DOK6: variants seen among roughly 807,000 people sequenced by gnomAD.
The protein encoded by DOK6 is downstream of tyrosine kinase 6.
DOK6 carries 22 observed loss-of-function variants against 44.0 expected under a neutral mutation model. That is an observed-to-expected ratio of 0.50 (90% CI 0.36 to 0.71). The LOEUF is 0.71. DOK6 is among the 30% of genes least tolerant of loss of function. DOK6 has a pLI of 0.00. For missense variants in DOK6, 340 were observed against 416.4 expected, an observed-to-expected ratio of 0.82 and a Z score of 1.60; for synonymous variants, 166 against 145.5, an observed-to-expected ratio of 1.14 and a Z score of -1.01.
intron 7 of DOK6, among the ~76,000 whole-genome samples, chr18:69,795,046 T>C (rs1224016501): frequency 1.3e-5 from 2 of 152,162 alleles, no homozygotes; most frequent in Non-Finnish European, 2.9e-5. Context: ...AAAATAAATG[T>C]AATGCACTGG....
intron 1 of DOK6, among the ~76,000 whole-genome samples, chr18:69,539,160 A>G (rs1982200239): frequency 6.6e-6 from 1 of 152,164 alleles, no homozygotes; most frequent in Non-Finnish European, 1.5e-5. Flanking sequence ...AAATACAAAC[A>G]TGATCATGAA....
intron 7 of DOK6, among the ~76,000 whole-genome samples, chr18:69,787,944 T>C (rs890691543): frequency 1.3e-5 from 2 of 152,150 alleles, no homozygotes; most frequent in African/African-American, 4.8e-5. Flanking sequence ...TTAGCTTACT[T>C]TTGAGGGTGT....
intron 7 of DOK6, among the ~76,000 whole-genome samples, chr18:69,808,634 A>C (rs887559770): frequency 4.0e-5 from 6 of 151,816 alleles, no homozygotes; most frequent in African/African-American, 1.4e-4. Context: ...CAGTAATGCA[A>C]AGGATCGTAA....
At chr18:69,722,758 C>T (rs1376292213) in intron 5 of DOK6, among the ~76,000 whole-genome samples, 3 of 152,186 alleles carry the variant, frequency 2.0e-5, no homozygotes, top group African/African-American at 7.2e-5. Flanking sequence ...AATTCAGTCA[C>T]ATTTATGTTA....
intron 7 of DOK6, among the ~76,000 whole-genome samples, chr18:69,837,721 GA>G (rs200909145): frequency 0.022 from 3,333 of 152,192 alleles, 130 homozygotes; most frequent in African/African-American, 0.075. Context: ...TCCCCATGCA[GA>G]AAAAAATGAG....
At chr18:69,509,412 C>T (rs112762808) in intron 1 of DOK6, among the ~76,000 whole-genome samples, 2,737 of 151,894 alleles carry the variant, frequency 0.018, 39 homozygotes, top group Non-Finnish European at 0.03. Context: ...CCAAGGCGGG[C>T]GGATCACGAG....
At chr18:69,808,469 A>C (rs1435658713) in intron 7 of DOK6, among the ~76,000 whole-genome samples, 2 of 151,862 alleles carry the variant, frequency 1.3e-5, no homozygotes, top group African/African-American at 2.4e-5. Flanking sequence ...CAAGAAAAAC[A>C]ATAGAAAAGA....
chr18:69,555,671 G>T (rs1240808212), intron 1 of DOK6, among the ~76,000 whole-genome samples: 2 of 152,092 alleles, frequency 1.3e-5, no homozygotes, highest in Admixed American at 6.5e-5. Context: ...TTCCCATCTT[G>T]TTACTCAATC....
chr18:69,785,363 C>A (rs1284773021), intron 7 of DOK6, among the ~76,000 whole-genome samples: 1 of 152,174 alleles, frequency 6.6e-6, no homozygotes, highest in Non-Finnish European at 1.5e-5. Flanking sequence ...TCTGTTCGTC[C>A]TGTTTTGCCC....
intron 5 of DOK6, 104 bp from the exon 6 acceptor site, chr18:69,738,861 G>T: frequency 1.4e-6 from 2 of 1,412,942 alleles, no homozygotes; most frequent in East Asian, 4.6e-5. Context: ...TCCTGTGGAG[G>T]TCAGGAGGAG....
At chr18:69,530,112 TAGAG>T (rs1981943241) in intron 1 of DOK6, among the ~76,000 whole-genome samples, 2 of 152,156 alleles carry the variant, frequency 1.3e-5, no homozygotes, top group Non-Finnish European at 2.9e-5. Flanking sequence ...ATTACCATCT[TAGAG>T]AGTACTAAAC....
At chr18:69,637,996 C>T (rs1208819330) in intron 3 of DOK6, among the ~76,000 whole-genome samples, 1 of 152,024 alleles carries the variant, frequency 6.6e-6, no homozygotes, top group Non-Finnish European at 1.5e-5. Context: ...AGTTGAGCGT[C>T]GTACTCTAGG....
intron 4 of DOK6, among the ~76,000 whole-genome samples, chr18:69,681,553 GACAC>G (rs71176999): frequency 6.6e-6 from 1 of 150,978 alleles, no homozygotes; most frequent in Admixed American, 6.6e-5. Flanking sequence ...TGCATAAACA[GACAC>G]ACACACACAC....
At chr18:69,419,394 A>C (rs970448074) in intron 1 of DOK6, among the ~76,000 whole-genome samples, 45 of 152,186 alleles carry the variant, frequency 3.0e-4, no homozygotes, top group African/African-American at 1.1e-3. Context: ...AAAAAGTTTA[A>C]GTCATTATGC....
At chr18:69,626,761 T>G (rs982624959) in intron 3 of DOK6, among the ~76,000 whole-genome samples, 28 of 152,204 alleles carry the variant, frequency 1.8e-4, no homozygotes, top group African/African-American at 6.8e-4. Context: ...CACTGTCTTC[T>G]TGGATTACTG....
At chr18:69,747,887 G>C (rs1979039974) in intron 6 of DOK6, among the ~76,000 whole-genome samples, 1 of 152,094 alleles carries the variant, frequency 6.6e-6, no homozygotes, top group Admixed American at 6.6e-5. Flanking sequence ...AGAGGAAGAG[G>C]AGCTGTCATA....
intron 3 of DOK6, among the ~76,000 whole-genome samples, chr18:69,615,478 G>A (rs796333030): frequency 2.2e-4 from 33 of 152,204 alleles, no homozygotes; most frequent in African/African-American, 7.2e-4. Flanking sequence ...CTGCTTCTCA[G>A]CCATCCTGCT....
intron 1 of DOK6, among the ~76,000 whole-genome samples, chr18:69,522,037 A>C (rs1453114384): frequency 2.0e-5 from 3 of 152,026 alleles, no homozygotes; most frequent in Non-Finnish European, 4.4e-5. Flanking sequence ...TTCCATCTTT[A>C]CTAAATAACT....
intron 4 of DOK6, among the ~76,000 whole-genome samples, chr18:69,679,579 T>C (rs1221865398): frequency 6.6e-6 from 1 of 152,212 alleles, no homozygotes; most frequent in Non-Finnish European, 1.5e-5. Flanking sequence ...GTTTAAAATG[T>C]ATGCTCTCCA....
Sources: gnomAD v4.1 joint callset for allele counts (sites outside exome capture counted in the v4.1 genomes callset) on GRCh38, gnomAD v4.1.1 for gene constraint, MANE v1.5 for transcripts, NCBI Gene and HGNC (gene_info 2026-07-23, HGNC 2026-07-21) for gene names.